Variants in GTF2IRD1 observed in about 807,000 individuals in gnomAD.
GTF2IRD1 encodes GTF2I repeat domain containing 1.
A neutral mutation model predicts 113.2 loss-of-function variants in GTF2IRD1; 26 were observed. The observed-to-expected ratio is 0.23, with a 90% CI of 0.17 to 0.32. GTF2IRD1 has a LOEUF of 0.32. Ranked by LOEUF, GTF2IRD1 falls within the 10% of genes least tolerant of loss-of-function variation. The probability of loss-of-function intolerance (pLI) is 1.00; values close to 1 mark genes in which losing one functional copy is unlikely to be tolerated. For missense variants in GTF2IRD1, 864 were observed against 1,280.8 expected, an observed-to-expected ratio of 0.67 and a Z score of 4.97; for synonymous variants, 484 against 529.1, an observed-to-expected ratio of 0.91 and a Z score of 1.17.
chr7:74,538,691 G>A lies in GTF2IRD1; in HGVS notation c.1459G>A (p.Glu487Lys), dbSNP rs782654667. 3 of 1,597,936 alleles carry A rather than the reference G, an allele frequency of 1.9e-6. No individual in the cohort carries two copies. Among genetic ancestry groups the A allele is most frequent in the African/African-American group, 1.3e-5 (1 of 74,732 alleles). Residue 487 changes from glutamate (E) to lysine (K), a missense_variant, in exon 13 of 27, where the codon GAG (glutamate) becomes AAG (lysine). Physicochemically the swap from Glu to Lys is moderately conservative, Grantham distance 56. This residue lies in a region of GTF2IRD1 where 218 missense variants were observed against 352.6 expected (regional missense o/e 0.62). Coordinates refer to ENST00000424337, the MANE Select transcript of GTF2IRD1 (RefSeq NM_005685.4). ...TTTCCTCCTTGCAGGAACCTCCGGGGAGCTGGGCGGGCTGAGGCCGATCAA... is the reference window on the plus strand; with the variant it reads ...TTTCCTCCTTGCAGGAACCTCCGGGAAGCTGGGCGGGCTGAGGCCGATCAA... ...SEDCGPGTSG[E>K]LGGLRPIKIE...
intron 22 of GTF2IRD1, among the ~76,000 whole-genome samples, chr7:74,560,663 C>T (rs1264400447): frequency 6.6e-6 from 1 of 151,766 alleles, no homozygotes; most frequent in Non-Finnish European, 1.5e-5. Flanking sequence ...CTGCTCACTG[C>T]AAACTCCACC....
chr7:74,508,146 C>T lies in GTF2IRD1; in HGVS notation c.66C>T (p.Ser22=), dbSNP rs536383980. Residue 22 remains serine, a synonymous_variant, in exon 2 of 27, where the codon TCC becomes TCT. Coordinates refer to ENST00000424337, the MANE Select transcript of GTF2IRD1 (RefSeq NM_005685.4). ...GCTGCGGACCCGACCGCTGGAACTC[C>T]GCGTTCACCCGCAAAGACGAGATCA... is the stretch of plus-strand genomic sequence containing the variant. ...TNGCGPDRWN[S]AFTRKDEIIT... 5.6e-5 allele frequency: 91 copies of T among 1,612,478 alleles called. No individual in the cohort carries two copies. The highest frequency in any genetic ancestry group is 7.0e-5 in the Non-Finnish European group (83 of 1,179,988).
chr7:74,569,766 C>T (rs1800579527), intron 22 of GTF2IRD1, among the ~76,000 whole-genome samples: 1 of 152,104 alleles, frequency 6.6e-6, no homozygotes. Flanking sequence ...CTAGAGGCAG[C>T]AGCAGGGTGT....
At chr7:74,479,685 A>G (rs993685010) in intron 1 of GTF2IRD1, among the ~76,000 whole-genome samples, 1 of 150,502 alleles carries the variant, frequency 6.6e-6, no homozygotes, top group Non-Finnish European at 1.5e-5. Context: ...GGCTTCTTCC[A>G]TGCCACTTAT....
chr7:74,525,430 G>A (rs1036223782), intron 8 of GTF2IRD1, among the ~76,000 whole-genome samples: 2 of 152,142 alleles, frequency 1.3e-5, no homozygotes, highest in African/African-American at 4.8e-5. Flanking sequence ...CAGGCTCATA[G>A]CAGATGTCAG....
intron 17 of GTF2IRD1, among the ~76,000 whole-genome samples, chr7:74,552,882 G>A (rs1233383566): frequency 1.3e-5 from 2 of 152,092 alleles, no homozygotes; most frequent in African/African-American, 4.8e-5. Context: ...CTATTGCCCA[G>A]GCTGGAGTGC....
At chr7:74,460,070 G>A (rs782456885) in intron 1 of GTF2IRD1, among the ~76,000 whole-genome samples, 3 of 151,598 alleles carry the variant, frequency 2.0e-5, no homozygotes, top group African/African-American at 4.8e-5. Flanking sequence ...CTCCCTCCCC[G>A]GCTCAAGCGA....
At chr7:74,484,456 T>C (rs1187606450) in intron 1 of GTF2IRD1, among the ~76,000 whole-genome samples, 7 of 147,320 alleles carry the variant, frequency 4.8e-5, no homozygotes, top group East Asian at 2.0e-4. Context: ...CATCCTTCTT[T>C]TTTTTTTTTT....
chr7:74,478,417 C>A (rs1487655088), intron 1 of GTF2IRD1, among the ~76,000 whole-genome samples: 1 of 152,156 alleles, frequency 6.6e-6, no homozygotes, highest in African/African-American at 2.4e-5. Flanking sequence ...TTACCATCAC[C>A]CTTTTGCTCA....
At chr7:74,516,885 C>G (rs1322745963) in intron 4 of GTF2IRD1, among the ~76,000 whole-genome samples, 1 of 152,190 alleles carries the variant, frequency 6.6e-6, no homozygotes, top group South Asian at 2.1e-4. Context: ...GAGGTGACAA[C>G]AGATATCCCA....
intron 1 of GTF2IRD1, among the ~76,000 whole-genome samples, chr7:74,501,225 C>T (rs1430036885): frequency 6.6e-6 from 1 of 152,056 alleles, no homozygotes; most frequent in African/African-American, 2.4e-5. Context: ...AGTGCAGAGC[C>T]GAGCCCACCG....
intron 22 of GTF2IRD1, among the ~76,000 whole-genome samples, chr7:74,570,578 C>T (rs1328452509): frequency 6.6e-6 from 1 of 151,472 alleles, no homozygotes; most frequent in African/African-American, 2.4e-5. Flanking sequence ...CGCTTGAGCC[C>T]AGGAAGTCAA....
intron 22 of GTF2IRD1, among the ~76,000 whole-genome samples, chr7:74,583,596 C>T (rs587733764): frequency 3.3e-5 from 5 of 152,012 alleles, no homozygotes; most frequent in Admixed American, 2.0e-4. Context: ...TCAGCCAGCC[C>T]GGCCCCACTT....
chr7:74,488,536 T>C (rs1795147349), intron 1 of GTF2IRD1, among the ~76,000 whole-genome samples: 1 of 150,780 alleles, frequency 6.6e-6, no homozygotes, highest in Admixed American at 6.6e-5. Flanking sequence ...GGCAGGAGGA[T>C]TGCTTGAGAC....
chr7:74,501,989 C>T (rs554686746), intron 1 of GTF2IRD1, among the ~76,000 whole-genome samples: 1 of 152,254 alleles, frequency 6.6e-6, no homozygotes, highest in East Asian at 1.9e-4. Flanking sequence ...GCTCTGTCTC[C>T]CAGGCTGCAG....
At position 74,536,258 on chromosome 7, in the gene GTF2IRD1, C is replaced by T; in HGVS notation, c.1392C>T (p.Asp464=). The change falls in exon 11 of 27, where the codon GAC becomes GAT. Residue 464 remains aspartate, a synonymous_variant. Transcript: ENST00000424337. ...SAEVSRATVL[D]LAGNARSDKG... The stretch of plus-strand genomic sequence containing the variant: ...AGGTCTCTAGGGCCACCGTCCTTGA[C>T]CTTGCTGGGAATGCTCGGTGAGGCC... The T allele has an allele frequency of 6.2e-7, 1 of 1,608,878 alleles. No individual in the cohort carries two copies. Among genetic ancestry groups the T allele is most frequent in the Non-Finnish European group, 8.5e-7 (1 of 1,175,442 alleles).
chr7:74,529,230 A>G (rs587643739), intron 8 of GTF2IRD1, among the ~76,000 whole-genome samples: 28 of 152,160 alleles, frequency 1.8e-4, no homozygotes, highest in Non-Finnish European at 3.7e-4. Context: ...GCTGTCACCA[A>G]ATGAGATGGG....
chr7:74,491,790 C>T (rs566429007), intron 1 of GTF2IRD1, among the ~76,000 whole-genome samples: 224 of 152,142 alleles, frequency 1.5e-3, no homozygotes, highest in African/African-American at 5.0e-3. Context: ...AGTAAACATA[C>T]GTGTGCATGT....
At chr7:74,489,940 G>C (rs934001885) in intron 1 of GTF2IRD1, among the ~76,000 whole-genome samples, 5 of 152,116 alleles carry the variant, frequency 3.3e-5, no homozygotes, top group Admixed American at 2.6e-4. Flanking sequence ...GACAGCTTTT[G>C]GGGTCAGATC....
Sources: allele counts gnomAD v4.1 joint callset (sites outside exome capture counted in the v4.1 genomes callset), GRCh38; gene constraint gnomAD v4.1.1; regional missense constraint gnomAD v4.1.1; transcripts MANE v1.5; gene names NCBI Gene and HGNC (gene_info 2026-07-23, HGNC 2026-07-21).